The following PIANP variants were observed in gnomAD, a reference collection of about 807,000 sequenced individuals.
PIANP encodes the protein PILR alpha associated neural protein, also known as PILR alpha-associated neural protein.
PIANP carries 14 observed loss-of-function variants against 28.9 expected under a neutral mutation model. The ratio of observed to expected loss-of-function variants is 0.49; its 90% CI spans 0.32 to 0.76. The LOEUF (loss-of-function observed/expected upper bound fraction) is 0.76, where lower values mean the gene tolerates loss of function less well. Ranked by LOEUF, PIANP falls within the 30% of genes least tolerant of loss-of-function variation. The probability of loss-of-function intolerance (pLI) is 0.03; values close to 1 mark genes in which losing one functional copy is unlikely to be tolerated. For synonymous variants in PIANP, 149 were observed against 156.6 expected, an observed-to-expected ratio of 0.95 and a Z score of 0.36; for missense variants, 322 against 371.8, an observed-to-expected ratio of 0.87 and a Z score of 1.10.
rs2137701556 is a variant in PIANP at position 6,694,282 on chromosome 12, A to C, written c.*1144T>G. The C allele has an allele frequency of 6.5e-6, 1 of 153,058 alleles. No individual in the cohort carries two copies. Among genetic ancestry groups the C allele is most frequent in the Middle Eastern group, 3.4e-3 (1 of 294 alleles). The allele number at this position is 153,058 out of a possible 1,614,324, so 9.5% of individuals were successfully genotyped here. A position where few individuals can be genotyped will look rare whatever the true frequency, so the allele number is the denominator to read the frequency against. ...TGGGAGTCCCTTTCTCATGTAGTGC[A>C]GCAGGCGACTCCCCAAAACCCATCT... On this transcript the variant is annotated 3_prime_UTR_variant, in exon 5 of 5. Transcript: ENST00000534837. The surrounding 1 kb of genome is among the most constrained non-coding windows in gnomAD (Gnocchi z 6.1).
At position 6,697,208 on chromosome 12, in the gene PIANP, C is replaced by G; in HGVS notation, c.523+79G>C. ...CACATTTGTTGAAGGAGCTAACAGACAAGGCCTCTATTTCTGCCCCTTGGT... is the reference window on the plus strand; with the variant it reads ...CACATTTGTTGAAGGAGCTAACAGAGAAGGCCTCTATTTCTGCCCCTTGGT... On this transcript the variant is annotated intron_variant, in intron 3 of 4. Coordinates refer to ENST00000534837, the MANE Select transcript of PIANP (RefSeq NM_001244014.2). The surrounding 1 kb of genome is among the most constrained non-coding windows in gnomAD (Gnocchi z 6.9). 1.3e-6 allele frequency: 2 copies of G among 1,560,260 alleles called. No individual in the cohort carries two copies. Among genetic ancestry groups the G allele is most frequent in the African/African-American group, 1.4e-5 (1 of 72,202 alleles).
Position 6,695,360 on chromosome 12 carries a change from C to G in PIANP, c.*66G>C. On this transcript the variant is annotated 3_prime_UTR_variant, in exon 5 of 5. Transcript: ENST00000534837. The surrounding 1 kb of genome is among the most constrained non-coding windows in gnomAD (Gnocchi z 4.2). ...CCTCACTACCCATCCAGAGGGCACC[C>G]CCACCCCAGCTCTGAAGACCTAAGT... 1 of 1,407,062 alleles carries G rather than the reference C, an allele frequency of 7.1e-7. No individual in the cohort carries two copies. The highest frequency in any genetic ancestry group is 1.8e-5 in the South Asian group (1 of 56,312). The allele number at this position is 1,407,062 out of a possible 1,614,324, so 87.2% of individuals were successfully genotyped here.
chr12:6,693,442 G>A (rs142402868), downstream of PIANP, among the ~76,000 whole-genome samples: 295 of 151,922 alleles, frequency 1.9e-3, no homozygotes, highest in African/African-American at 6.7e-3. Context: ...TTCTCCCTCC[G>A]TCTGTCTTAT....
At position 6,697,913 on chromosome 12, in the gene PIANP, A is replaced by C. The variant is rs1267990184; in HGVS notation, c.18-121T>G. The C allele has an allele frequency of 1.3e-6, 2 of 1,513,548 alleles. No homozygotes were observed. The highest frequency in any genetic ancestry group is 1.8e-6 in the Non-Finnish European group (2 of 1,121,164). 93.8% of individuals were successfully genotyped at this position (1,513,548 alleles called of 1,614,324 possible). On this transcript the variant is annotated intron_variant, in intron 2 of 4. Coordinates refer to ENST00000534837, the MANE Select transcript of PIANP (RefSeq NM_001244014.2). This position sits in a 1 kb window ranked among gnomAD's most constrained non-coding sequence, Gnocchi z 6.9. ...GTGAAAGCAGGTGGGCCTTGGGAAG[A>C]CTCGCCTCATTTCCCATCTTCCAAA...
chr12:6,693,758 C>G (rs1011031533), downstream of PIANP: 1 of 152,414 alleles, frequency 6.6e-6, no homozygotes, highest in African/African-American at 2.4e-5. Flanking sequence ...CTCCTCTCTA[C>G]GGGGGTCAGA....
rs898380818 is a variant in PIANP, at chr12:6,698,123, C to T, written c.-43-19G>A. 2.2e-5 allele frequency: 34 copies of T among 1,521,324 alleles called. 1 individual carries two copies. The highest frequency in any genetic ancestry group is 3.4e-4 in the Middle Eastern group (2 of 5,946). 94.2% of individuals were successfully genotyped at this position (1,521,324 alleles called of 1,614,324 possible). On this transcript the variant is annotated intron_variant, in intron 1 of 4. Coordinates refer to ENST00000534837, the MANE Select transcript of PIANP (RefSeq NM_001244014.2). ...GCCTTTACTGGGAGAAAAAGGGGGCCGTCACACCCCAGCCCTGCCCTGTGT... is the reference window on the plus strand; with the variant it reads ...GCCTTTACTGGGAGAAAAAGGGGGCTGTCACACCCCAGCCCTGCCCTGTGT...
At chr12:6,699,291 A>T (rs908214910) in intron 1 of PIANP, among the ~76,000 whole-genome samples, 1 of 152,138 alleles carries the variant, frequency 6.6e-6, no homozygotes, top group Non-Finnish European at 1.5e-5. Context: ...CCCAGAGAAC[A>T]ACAAGGGAAC....
In PIANP at chr12:6,696,794, T is replaced by C. The variant is rs557813162; in HGVS notation, c.524-270A>G. On this transcript the variant is annotated intron_variant, in intron 3 of 4. Coordinates refer to ENST00000534837, the MANE Select transcript of PIANP (RefSeq NM_001244014.2). The surrounding 1 kb of genome is among the most constrained non-coding windows in gnomAD (Gnocchi z 4.0). ...TGAGGCCCCATGATCAGCGAGAACCTATCACTATGCCTGGAAACTAAGGGG... is the reference window on the plus strand; with the variant it reads ...TGAGGCCCCATGATCAGCGAGAACCCATCACTATGCCTGGAAACTAAGGGG... Among the ~76,000 whole-genome samples the C allele has an allele frequency of 6.6e-6, 1 of 152,290 alleles. No individual in the cohort carries two copies. The highest frequency in any genetic ancestry group is 2.4e-5 in the African/African-American group (1 of 41,558).
Position 6,696,606 on chromosome 12 carries a change from G to T in PIANP, c.524-82C>A. 1 of 949,584 alleles carries T rather than the reference G, an allele frequency of 1.1e-6. No individual in the cohort carries two copies. Among genetic ancestry groups the T allele is most frequent in the Non-Finnish European group, 1.5e-6 (1 of 668,278 alleles). 58.8% of individuals were successfully genotyped at this position (949,584 alleles called of 1,614,324 possible). A position where few individuals can be genotyped will look rare whatever the true frequency, so the allele number is the denominator to read the frequency against. On this transcript the variant is annotated intron_variant, in intron 3 of 4. Transcript: ENST00000534837. The surrounding 1 kb of genome is among the most constrained non-coding windows in gnomAD (Gnocchi z 4.0). ...GGCTGGGGGCTGGGCTGTGGGCTCT[G>T]TCGGCTGGAGTGGCATTGCTGTGTG...
rs1404831019 is a variant in PIANP at position 6,695,894 on chromosome 12, A to G, written c.606-243T>C. On this transcript the variant is annotated intron_variant, in intron 4 of 4. Transcript: ENST00000534837. The surrounding 1 kb of genome is among the most constrained non-coding windows in gnomAD (Gnocchi z 4.2). ...TACCCTCCAAACCTGATCCAGATCG[A>G]CAAAATTAATATCCCCTCCCCACCA... is the stretch of plus-strand genomic sequence containing the variant. Among the ~76,000 whole-genome samples the G allele has an allele frequency of 1.3e-5, 2 of 152,032 alleles. No individual in the cohort carries two copies. Among genetic ancestry groups the G allele is most frequent in the African/African-American group, 4.8e-5 (2 of 41,378 alleles).
In PIANP at chr12:6,696,795, A is replaced by G. The variant is rs1959878490; in HGVS notation, c.524-271T>C. ...GAGGCCCCATGATCAGCGAGAACCT[A>G]TCACTATGCCTGGAAACTAAGGGGT... On this transcript the variant is annotated intron_variant, in intron 3 of 4. Coordinates refer to ENST00000534837, the MANE Select transcript of PIANP (RefSeq NM_001244014.2). The surrounding 1 kb of genome is among the most constrained non-coding windows in gnomAD (Gnocchi z 4.0). Among the ~76,000 whole-genome samples the G allele has an allele frequency of 6.6e-6, 1 of 152,132 alleles. No homozygotes were observed. Among genetic ancestry groups the G allele is most frequent in the African/African-American group, 2.4e-5 (1 of 41,426 alleles).
Position 6,697,693 on chromosome 12 carries a change from TG to T in PIANP, c.116del (p.Pro39HisfsTer181). ...AQGSSSSPRT[P>X]PAPARPPCAR... ...CACACGGGGGGCGGGCTGGGGCTGG[TG>T]GGGTTCGAGGGGAGGATGAAGAGCC... On this transcript the variant is annotated frameshift_variant, in exon 3 of 5. Transcript: ENST00000534837. LOFTEE classifies it high-confidence loss of function. This position sits in a 1 kb window ranked among gnomAD's most constrained non-coding sequence, Gnocchi z 6.9. 1 of 1,523,442 alleles carries T rather than the reference TG, an allele frequency of 6.6e-7. No homozygotes were observed. 94.4% of individuals were successfully genotyped at this position (1,523,442 alleles called of 1,614,324 possible).
At chr12:6,699,694 G>A (rs1379501378) in intron 1 of PIANP, among the ~76,000 whole-genome samples, 1 of 151,818 alleles carries the variant, frequency 6.6e-6, no homozygotes, top group Non-Finnish European at 1.5e-5. Context: ...GAAAGCCCAG[G>A]ATGGGGAGAA....
chr12:6,698,170 A>T, intron 1 of PIANP, 66 bp from the exon 2 acceptor site: 1 of 1,299,106 alleles, frequency 7.7e-7, no homozygotes, highest in Non-Finnish European at 1.1e-6. Context: ...TAATTCATCC[A>T]CCAATTCTAC....
Position 6,696,666 on chromosome 12 carries a change from G to T in PIANP, c.524-142C>A. The T allele has an allele frequency of 1.9e-6, 1 of 534,780 alleles. No individual in the cohort carries two copies. The highest frequency in any genetic ancestry group is 3.2e-6 in the Non-Finnish European group (1 of 314,302). 33.1% of individuals were successfully genotyped at this position (534,780 alleles called of 1,614,324 possible). ...TGCCGGCTCTGTCTGCCCCTCTGGA[G>T]CCTCACTCTTTATTATCACCAGCAT... On this transcript the variant is annotated intron_variant, in intron 3 of 4. Coordinates refer to ENST00000534837, the MANE Select transcript of PIANP (RefSeq NM_001244014.2). This position sits in a 1 kb window ranked among gnomAD's most constrained non-coding sequence, Gnocchi z 4.0.
Position 6,694,853 on chromosome 12 carries a change from C to G in PIANP, c.*573G>C. ...AAGTCACAGATATGTGAGGCCCCCA[C>G]CTGCAGGAGGGCGAGCAGATAGGAT... On this transcript the variant is annotated 3_prime_UTR_variant, in exon 5 of 5. Transcript: ENST00000534837. The surrounding 1 kb of genome is among the most constrained non-coding windows in gnomAD (Gnocchi z 6.1). 1.5e-6 allele frequency: 1 copy of G among 687,916 alleles called. No individual in the cohort carries two copies. The highest frequency in any genetic ancestry group is 2.3e-6 in the Non-Finnish European group (1 of 432,416). The allele number at this position is 687,916 out of a possible 1,614,324, so 42.6% of individuals were successfully genotyped here. A position where few individuals can be genotyped will look rare whatever the true frequency, so the allele number is the denominator to read the frequency against.
Position 6,695,442 on chromosome 12 carries a change from A to G in PIANP, c.815T>C (p.Phe272Ser). The G allele has an allele frequency of 6.7e-7, 1 of 1,492,460 alleles. No homozygotes were observed. Among genetic ancestry groups the G allele is most frequent in the Non-Finnish European group, 8.9e-7 (1 of 1,121,074 alleles). 92.5% of individuals were successfully genotyped at this position (1,492,460 alleles called of 1,614,324 possible). Residue 272 changes from phenylalanine to serine, a missense_variant, in exon 5 of 5, where the codon TTC becomes TCC. Coordinates refer to ENST00000534837, the MANE Select transcript of PIANP (RefSeq NM_001244014.2). The surrounding 1 kb of genome is among the most constrained non-coding windows in gnomAD (Gnocchi z 4.2). ...CCCCTGCCCTCACCGGTTCAACTGG[A>G]AGGCTGGAGCCCCCTTGGGGTGGGG... ...GMPHPKGAPA[F>S]QLNR
Position 6,696,384 on chromosome 12 carries a change from AGCCTCGACT to A in PIANP, c.605+50_605+58del, listed in dbSNP as rs1959862612. ...TGCTGCCACTGCCCCTCGTGGTTAG[AGCCTCGACT>A]GCCAAACATTCCGTCCCCATCCACC... On this transcript the variant is annotated intron_variant, in intron 4 of 4. Coordinates refer to ENST00000534837, the MANE Select transcript of PIANP (RefSeq NM_001244014.2). The surrounding 1 kb of genome is among the most constrained non-coding windows in gnomAD (Gnocchi z 4.0). The A allele has an allele frequency of 7.2e-6, 10 of 1,381,184 alleles. No individual in the cohort carries two copies. The highest frequency in any genetic ancestry group is 9.8e-6 in the Non-Finnish European group (10 of 1,018,884). 85.6% of individuals were successfully genotyped at this position (1,381,184 alleles called of 1,614,324 possible).
chr12:6,696,397 A>C lies in PIANP; in HGVS notation c.605+46T>G, dbSNP rs774043070. 1.4e-5 allele frequency: 20 copies of C among 1,469,152 alleles called. No individual in the cohort carries two copies. The South Asian group carries it at 1.7e-4, about 13-fold the overall frequency. The allele number at this position is 1,469,152 out of a possible 1,614,324, so 91.0% of individuals were successfully genotyped here. On this transcript the variant is annotated intron_variant, in intron 4 of 4. Coordinates refer to ENST00000534837, the MANE Select transcript of PIANP (RefSeq NM_001244014.2). The surrounding 1 kb of genome is among the most constrained non-coding windows in gnomAD (Gnocchi z 4.0). ...CCTCGTGGTTAGAGCCTCGACTGCC[A>C]AACATTCCGTCCCCATCCACCAGCA...
Sources: allele counts gnomAD v4.1 joint callset (sites outside exome capture counted in the v4.1 genomes callset), GRCh38; gene constraint gnomAD v4.1.1; non-coding constraint Gnocchi (gnomAD v3.1); transcripts MANE v1.5; gene names NCBI Gene and HGNC (gene_info 2026-07-23, HGNC 2026-07-21).